ZNF790: variants seen among roughly 807,000 people sequenced by gnomAD.
ZNF790 encodes zinc finger protein 790.
Under a neutral mutation model 12.1 loss-of-function variants are expected in ZNF790, and 8 were observed. The ratio of observed to expected loss-of-function variants is 0.66; its 90% confidence interval spans 0.39 to 1.19. The LOEUF (loss-of-function observed/expected upper bound fraction) is 1.19, where lower values mean the gene tolerates loss of function less well. ZNF790 is among the 50% of genes most tolerant of loss of function. The pLI is 0.01. For missense variants in ZNF790, 707 were observed against 752.2 expected, an observed-to-expected ratio of 0.94 and a Z score of 0.70; for synonymous variants, 252 against 244.3, an observed-to-expected ratio of 1.03 and a Z score of -0.29.
At chr19:36,821,812 G>A (rs2071679128) in intron 4 of ZNF790, among the ~76,000 whole-genome samples, 1 of 152,050 alleles carries the variant, frequency 6.6e-6, no homozygotes, top group Non-Finnish European at 1.5e-5. Flanking sequence ...TTGAACTCCT[G>A]ACCTCAGGTG....
intron 1 of ZNF790, among the ~76,000 whole-genome samples, chr19:36,843,540 T>C (rs916236257): frequency 9.9e-5 from 15 of 152,112 alleles, no homozygotes; most frequent in Non-Finnish European, 1.8e-4. Context: ...ACTCAATCAC[T>C]GATTAAATGA....
intron 1 of ZNF790, among the ~76,000 whole-genome samples, chr19:36,831,750 G>T (rs2071949291): frequency 6.6e-6 from 1 of 152,130 alleles, no homozygotes; most frequent in Non-Finnish European, 1.5e-5. Context: ...TATCTAAAAC[G>T]ATGGTTGTAG....
intron 1 of ZNF790, among the ~76,000 whole-genome samples, chr19:36,833,061 AT>A (rs2071973670): frequency 6.6e-6 from 1 of 152,218 alleles, no homozygotes; most frequent in Non-Finnish European, 1.5e-5. Flanking sequence ...AAAGTAGGAA[AT>A]TTAAAATGAC....
chr19:36,827,141 C>CACACACACATATATATATATAT (rs1313807327), intron 1 of ZNF790, among the ~76,000 whole-genome samples: 1 of 84,440 alleles, frequency 1.2e-5, no homozygotes, highest in East Asian at 4.8e-4. Context: ...CACACACACA[C>CACACACACATATATATATATAT]ATATATATAT....
intron 2 of ZNF790, among the ~76,000 whole-genome samples, chr19:36,824,293 A>G (rs952045762): frequency 1.3e-5 from 2 of 149,964 alleles, no homozygotes; most frequent in African/African-American, 2.5e-5. Flanking sequence ...CACGACACCC[A>G]GCCTACATGC....
At chr19:36,839,645 G>A (rs1437018131), upstream of ZNF790, among the ~76,000 whole-genome samples, 4 of 152,132 alleles carry the variant, frequency 2.6e-5, no homozygotes, top group Non-Finnish European at 2.9e-5. Flanking sequence ...TCCCAAGTAG[G>A]CCTCACAAAG....
chr19:36,823,178 TAAGG>T, intron 4 of ZNF790, 103 bp downstream of exon 4: 1 of 1,022,740 alleles, frequency 9.8e-7, no homozygotes, highest in South Asian at 1.5e-5. Context: ...TTTTTGGTCT[TAAGG>T]GGATATTCCA....
chr19:36,842,073 G>T (rs930440701), upstream of ZNF790, among the ~76,000 whole-genome samples: 10 of 151,844 alleles, frequency 6.6e-5, no homozygotes, highest in African/African-American at 1.9e-4. Context: ...TTAGATGAAG[G>T]GTTCTTAGAC....
intron 1 of ZNF790, among the ~76,000 whole-genome samples, chr19:36,827,141 C>CACACAT (rs1313807327): frequency 2.1e-4 from 18 of 84,444 alleles, no homozygotes; most frequent in South Asian, 4.1e-4. Context: ...CACACACACA[C>CACACAT]ATATATATAT....
chr19:36,828,029 A>G (rs1033697966), intron 1 of ZNF790: 2 of 152,342 alleles, frequency 1.3e-5, no homozygotes, highest in Non-Finnish European at 2.9e-5. Context: ...TCAGGGGCAT[A>G]GAGAACTTTA....
In ZNF790 at chr19:36,818,583, A is replaced by G. The variant is rs372447569; in HGVS notation, c.1761T>C (p.Asn587=). ...TCCCATAGTCTGTCCATTCACAGAG[A>G]TTTGCACTATTATGAATTTTTTGTT... is the stretch of plus-strand genomic sequence containing the variant. ...FTEQKIHNSA[N]LCEWTDYGNT... is the part of the protein sequence containing the mutation. Residue 587 remains asparagine (N), a synonymous_variant, in exon 5 of 5, where the codon AAT becomes AAC. Transcript: ENST00000356725. 6.2e-7 allele frequency: 1 copy of G among 1,610,930 alleles called. No individual in the cohort carries two copies. Among genetic ancestry groups the G allele is most frequent in the African/African-American group, 1.3e-5 (1 of 74,846 alleles).
In ZNF790 at chr19:36,823,699, AT is replaced by A; in HGVS notation, c.100del (p.Met34CysfsTer34). ...LEQRDLYRDV[M>X]LENYSNMVSL... Reference sequence around the variant, plus strand: ...GACCATGTTGCTGTAGTTCTCCAACATCACATCTCTATATAAATCCCTCTGT... The same window carrying A: ...GACCATGTTGCTGTAGTTCTCCAACACACATCTCTATATAAATCCCTCTGT... On this transcript the variant is annotated frameshift_variant, in exon 3 of 5. Coordinates refer to ENST00000356725, the MANE Select transcript of ZNF790 (RefSeq NM_206894.4). LOFTEE classifies it high-confidence loss of function. 6.2e-7 allele frequency: 1 copy of A among 1,611,098 alleles called. No homozygotes were observed. Among genetic ancestry groups the A allele is most frequent in the Non-Finnish European group, 8.5e-7 (1 of 1,179,346 alleles).
intron 1 of ZNF790, among the ~76,000 whole-genome samples, chr19:36,834,437 A>G (rs1189808927): frequency 6.6e-6 from 1 of 152,200 alleles, no homozygotes; most frequent in Non-Finnish European, 1.5e-5. Flanking sequence ...AAAGGAAGAT[A>G]TCCAAATGGA....
At chr19:36,823,573 A>G in intron 3 of ZNF790, 94 bp downstream of exon 3, 1 of 1,515,092 alleles carries the variant, frequency 6.6e-7, no homozygotes, top group Non-Finnish European at 9.0e-7. Flanking sequence ...TTTCTAAAAA[A>G]CAAAGGTCAG....
At position 36,818,609 on chromosome 19, in the gene ZNF790, C is replaced by T; in HGVS notation, c.1735G>A (p.Glu579Lys). 1.2e-6 allele frequency: 2 copies of T among 1,610,910 alleles called. No homozygotes were observed. Among genetic ancestry groups the T allele is most frequent in the Non-Finnish European group, 1.7e-6 (2 of 1,177,948 alleles). The change falls in exon 5 of 5, where the codon GAA (glutamate) becomes AAA (lysine). Residue 579 changes from glutamate (E) to lysine (K), a missense_variant. By Grantham distance (56) the Glu-to-Lys change is moderately conservative. Coordinates refer to ENST00000356725, the MANE Select transcript of ZNF790 (RefSeq NM_206894.4). ...HIFSHHSYFT[E>K]QKIHNSANLC... is the part of the protein sequence containing the mutation. ...TTTGCACTATTATGAATTTTTTGTT[C>T]AGTAAAATATGAATGGTGACTAAAG...
At chr19:36,845,890 C>A (rs1029221471) in intron 1 of ZNF790, among the ~76,000 whole-genome samples, 2 of 151,704 alleles carry the variant, frequency 1.3e-5, no homozygotes, top group Non-Finnish European at 2.9e-5. Context: ...CTCACTGCAA[C>A]CTCTGCCTCC....
rs772112280 is a variant in ZNF790 at position 36,819,997 on chromosome 19, C to CA, written c.346dup (p.Cys116LeufsTer3). On this transcript the variant is annotated frameshift_variant, in exon 5 of 5. Coordinates refer to ENST00000356725, the MANE Select transcript of ZNF790 (RefSeq NM_206894.4). LOFTEE classifies it low-confidence loss of function (END_TRUNC). ...GTTGCCTTCCCAGTCACCTCTAAAA[C>CA]ATAAACAGTCAAGGCTGTGGTTTTT... The CA allele has an allele frequency of 3.7e-6, 6 of 1,613,952 alleles. No homozygotes were observed. The highest frequency in any genetic ancestry group is 5.1e-6 in the Non-Finnish European group (6 of 1,179,988).
chr19:36,834,243 CAAAA>C (rs751627349), intron 1 of ZNF790, among the ~76,000 whole-genome samples: 15 of 34,884 alleles, frequency 4.3e-4, no homozygotes, highest in South Asian at 1.2e-3. Flanking sequence ...AACTCCATCT[CAAAA>C]AAAAAAAAAA....
intron 4 of ZNF790, among the ~76,000 whole-genome samples, chr19:36,821,257 T>C (rs993007180): frequency 2.0e-5 from 3 of 151,968 alleles, no homozygotes; most frequent in African/African-American, 7.3e-5. Context: ...GAAAGGCAGT[T>C]TAGTTACAAA....
Sources: gnomAD v4.1 joint callset for allele counts (sites outside exome capture counted in the v4.1 genomes callset) on GRCh38, gnomAD v4.1.1 for gene constraint, MANE v1.5 for transcripts, NCBI Gene and HGNC (gene_info 2026-07-23, HGNC 2026-07-21) for gene names.